GRIA3: variants seen among roughly 807,000 people sequenced by gnomAD.
The protein encoded by GRIA3 is glutamate ionotropic receptor AMPA type subunit 3, also known as glutamate receptor 3.
In GRIA3, 3 loss-of-function variants were observed where a neutral mutation model predicts 63.0. The observed-to-expected ratio is 0.05, with a 90% CI of 0.02 to 0.12. The LOEUF is 0.12. Ranked by LOEUF, GRIA3 falls within the 10% of genes least tolerant of loss-of-function variation. GRIA3 has a pLI of 1.00. For missense variants in GRIA3, 347 were observed against 700.9 expected (o/e 0.50, Z 5.70); for synonymous variants, 274 against 257.9 (o/e 1.06, Z -0.60).
At chrX:123,409,723 C>A (rs1569432142) in intron 10 of GRIA3, among the ~76,000 whole-genome samples, 1 of 111,759 alleles carries the variant, frequency 8.9e-6, no homozygotes, top group Non-Finnish European at 1.9e-5. Flanking sequence ...CTTAATCCTA[C>A]CTTACCATTC....
chrX:123,397,022 A>G (rs987875028), intron 6 of GRIA3, among the ~76,000 whole-genome samples: 2 of 111,742 alleles, frequency 1.8e-5, no homozygotes, highest in African/African-American at 6.5e-5. Flanking sequence ...AAGGGTACTG[A>G]AGAGTAGTTT....
intron 3 of GRIA3, among the ~76,000 whole-genome samples, chrX:123,319,103 C>T (rs1265833655): frequency 9.0e-6 from 1 of 111,543 alleles, no homozygotes; most frequent in Non-Finnish European, 1.9e-5. Context: ...CCCCGTGATT[C>T]AATTACCTCC....
At chrX:123,251,750 A>C (rs1224273165) in intron 2 of GRIA3, among the ~76,000 whole-genome samples, 1 of 111,610 alleles carries the variant, frequency 9.0e-6, no homozygotes, top group African/African-American at 3.3e-5. Context: ...TTTTAATATA[A>C]AGACGTTTCC....
At chrX:123,208,013 C>T (rs1927939172) in intron 2 of GRIA3, among the ~76,000 whole-genome samples, 1 of 112,265 alleles carries the variant, frequency 8.9e-6, no homozygotes, top group Non-Finnish European at 1.9e-5. Flanking sequence ...TCCTGCTGCT[C>T]AGAAGCCAGC....
intron 3 of GRIA3, among the ~76,000 whole-genome samples, chrX:123,271,253 T>G (rs942112996): frequency 8.9e-6 from 1 of 112,212 alleles, no homozygotes; most frequent in Non-Finnish European, 1.9e-5. Context: ...TGGAACCTAC[T>G]GAAATGGAAG....
chrX:123,460,503 G>A (rs5958240), intron 12 of GRIA3, among the ~76,000 whole-genome samples: 12,330 of 111,519 alleles, frequency 0.11, 1,242 homozygotes, highest in African/African-American at 0.32. Flanking sequence ...TAGTGTGTTC[G>A]TAGATTGAAG....
chrX:123,380,860 A>G (rs1290078703), intron 5 of GRIA3, among the ~76,000 whole-genome samples: 1 of 111,651 alleles, frequency 9.0e-6, no homozygotes, highest in Non-Finnish European at 1.9e-5. Flanking sequence ...AGCTTTCTAC[A>G]TACGGCTGGC....
intron 13 of GRIA3, among the ~76,000 whole-genome samples, chrX:123,478,386 G>A (rs2045896508): frequency 8.9e-6 from 1 of 111,894 alleles, no homozygotes; most frequent in Non-Finnish European, 1.9e-5. Context: ...TTGGTTGAAG[G>A]AACTTGTTTA....
intron 13 of GRIA3, among the ~76,000 whole-genome samples, chrX:123,465,371 A>C (rs992026851): frequency 7.2e-5 from 8 of 110,955 alleles, no homozygotes; most frequent in Non-Finnish European, 1.1e-4. Flanking sequence ...CGGCTTTTTC[A>C]ATTTAAATGG....
intron 3 of GRIA3, among the ~76,000 whole-genome samples, chrX:123,263,986 C>A (rs1488142144): frequency 8.9e-6 from 1 of 111,865 alleles, no homozygotes; most frequent in East Asian, 2.8e-4. Flanking sequence ...GCTTTCCCCT[C>A]CCCCTAAATA....
At chrX:123,278,368 T>A (rs1005739317) in intron 3 of GRIA3, among the ~76,000 whole-genome samples, 19 of 112,465 alleles carry the variant, frequency 1.7e-4, no homozygotes, top group Non-Finnish European at 1.9e-5. Flanking sequence ...TCCCATGCTG[T>A]AGGTTGTGTC....
chrX:123,388,536 G>A (rs934873626), intron 5 of GRIA3, among the ~76,000 whole-genome samples: 30 of 112,120 alleles, frequency 2.7e-4, no homozygotes, highest in South Asian at 7.5e-4. Context: ...ATGAGCCACC[G>A]TGCCAGGCCG....
At chrX:123,329,972 A>G (rs1165067224) in intron 4 of GRIA3, among the ~76,000 whole-genome samples, 1 of 111,971 alleles carries the variant, frequency 8.9e-6, no homozygotes, top group African/African-American at 3.2e-5. Flanking sequence ...GAGACGCAGC[A>G]TAACAGCGTT....
intron 12 of GRIA3, among the ~76,000 whole-genome samples, chrX:123,445,315 G>A (rs946996143): frequency 5.4e-5 from 6 of 111,443 alleles, no homozygotes; most frequent in Admixed American, 1.9e-4. Flanking sequence ...GTAATACTCC[G>A]CCTTTTATGA....
chrX:123,403,568 G>A (rs1352719249), intron 9 of GRIA3, 49 bp downstream of exon 9: 7 of 742,534 alleles, frequency 9.4e-6, no homozygotes, highest in Admixed American at 2.2e-5. Flanking sequence ...CAAGACTTCC[G>A]TTTTCTGAAA....
chrX:123,246,192 A>G (rs1442818944), intron 2 of GRIA3, among the ~76,000 whole-genome samples: 1 of 112,353 alleles, frequency 8.9e-6, no homozygotes, highest in Non-Finnish European at 1.9e-5. Flanking sequence ...ACATTGATCC[A>G]GAGAGTTACC....
intron 2 of GRIA3, among the ~76,000 whole-genome samples, chrX:123,240,812 CT>C (rs1051527182): frequency 1.8e-5 from 2 of 109,912 alleles, no homozygotes; most frequent in South Asian, 3.9e-4. Flanking sequence ...GCATCCTTTT[CT>C]TTTTTTTTAC....
intron 4 of GRIA3, among the ~76,000 whole-genome samples, chrX:123,354,307 C>T (rs919919590): frequency 3.6e-5 from 4 of 111,579 alleles, no homozygotes; most frequent in Non-Finnish European, 7.5e-5. Flanking sequence ...CAAGTGTCCT[C>T]GAGAGGAATC....
intron 2 of GRIA3, chrX:123,202,540 C>A: frequency 1.1e-6 from 1 of 895,796 alleles, no homozygotes; most frequent in Admixed American, 2.9e-5. Flanking sequence ...CAAGGTTCAC[C>A]CTCTTTCCTC....
Sources: gnomAD v4.1 joint callset for allele counts (sites outside exome capture counted in the v4.1 genomes callset) on GRCh38, gnomAD v4.1.1 for gene constraint, MANE v1.5 for transcripts, NCBI Gene and HGNC (gene_info 2026-07-23, HGNC 2026-07-21) for gene names.